Variants in FGFR2 observed in about 807,000 individuals in gnomAD.
The protein encoded by FGFR2 is fibroblast growth factor receptor 2.
In FGFR2, 19 loss-of-function variants were observed where a neutral mutation model predicts 95.9. The observed-to-expected ratio is 0.20, with a 90% confidence interval of 0.14 to 0.29. The LOEUF is 0.29. FGFR2 is among the 10% of genes least tolerant of loss of function. The pLI is 1.00. For missense variants in FGFR2, 707 were observed against 1,056.9 expected (o/e 0.67, Z 4.59); for synonymous variants, 392 against 393.3 (o/e 1.00, Z 0.04).
chr10:121,590,768 G>A (rs1862515096), intron 2 of FGFR2, among the ~76,000 whole-genome samples: 1 of 152,144 alleles, frequency 6.6e-6, no homozygotes, highest in Non-Finnish European at 1.5e-5. Flanking sequence ...TAGGGCCCAG[G>A]CTTCTTCCTG....
At chr10:121,504,850 G>C (rs1848073725) in intron 9 of FGFR2, among the ~76,000 whole-genome samples, 1 of 151,840 alleles carries the variant, frequency 6.6e-6, no homozygotes, top group South Asian at 2.1e-4. Context: ...GACTCACACA[G>C]AGCACACTGG....
chr10:121,573,097 A>G (rs775599209), intron 2 of FGFR2, among the ~76,000 whole-genome samples: 16 of 152,226 alleles, frequency 1.1e-4, no homozygotes, highest in African/African-American at 3.9e-4. Context: ...TTACGTTGCC[A>G]AACCAGCGAT....
intron 11 of FGFR2, 43 bp from the exon 12 acceptor site, chr10:121,498,648 A>C (rs200102695): frequency 6.6e-7 from 1 of 1,518,878 alleles, no homozygotes; most frequent in African/African-American, 1.4e-5. Context: ...CATTTCCTCT[A>C]ACTCATGGGC....
At chr10:121,566,079 GTT>G (rs1447738775) in intron 2 of FGFR2, among the ~76,000 whole-genome samples, 10 of 152,214 alleles carry the variant, frequency 6.6e-5, no homozygotes, top group Non-Finnish European at 1.0e-4. Context: ...AGAATGCCGA[GTT>G]TTACACATTT....
chr10:121,528,344 CAT>C (rs1851657052), intron 6 of FGFR2, among the ~76,000 whole-genome samples: 1 of 152,136 alleles, frequency 6.6e-6, no homozygotes, highest in African/African-American at 2.4e-5. Context: ...GCACAACAAT[CAT>C]ATTGTTTAAT....
chr10:121,496,435 GC>G, intron 13 of FGFR2, 96 bp downstream of exon 13: 2 of 1,147,830 alleles, frequency 1.7e-6, no homozygotes. Flanking sequence ...ACATGCGAGG[GC>G]TTGATCTAGC....
intron 2 of FGFR2, among the ~76,000 whole-genome samples, chr10:121,570,721 A>G (rs929814946): frequency 6.6e-6 from 1 of 152,216 alleles, no homozygotes; most frequent in Non-Finnish European, 1.5e-5. Context: ...ATATGTTTCC[A>G]TGTATTTTTC....
chr10:121,484,727 C>A (rs1193544404), intron 16 of FGFR2, among the ~76,000 whole-genome samples: 1 of 152,152 alleles, frequency 6.6e-6, no homozygotes, highest in Non-Finnish European at 1.5e-5. Flanking sequence ...GCAGGTTTTG[C>A]TACAAACCAG....
At chr10:121,592,256 C>A (rs962268629) in intron 2 of FGFR2, among the ~76,000 whole-genome samples, 1 of 152,130 alleles carries the variant, frequency 6.6e-6, no homozygotes, top group Non-Finnish European at 1.5e-5. Context: ...AAACCAGGAA[C>A]TTTTTCCCTC....
chr10:121,480,214 G>T, intron 17 of FGFR2, 193 bp from the exon 18 acceptor site: 1 of 732,968 alleles, frequency 1.4e-6, no homozygotes, highest in Non-Finnish European at 2.4e-6. Context: ...GGTGAACAGA[G>T]ACCCAGCCCA....
At chr10:121,579,714 T>A (rs1461813953) in intron 2 of FGFR2, among the ~76,000 whole-genome samples, 2 of 152,136 alleles carry the variant, frequency 1.3e-5, no homozygotes, top group Non-Finnish European at 2.9e-5. Flanking sequence ...AGGAGCCGGA[T>A]AACTTACCCT....
chr10:121,512,415 C>A (rs1849171117), intron 9 of FGFR2, among the ~76,000 whole-genome samples: 1 of 152,196 alleles, frequency 6.6e-6, no homozygotes, highest in Admixed American at 6.5e-5. Flanking sequence ...ACATTCCCCC[C>A]AAATAAATTA....
chr10:121,544,478 C>T (rs1167203358), intron 5 of FGFR2, among the ~76,000 whole-genome samples: 1 of 146,712 alleles, frequency 6.8e-6, no homozygotes, highest in Non-Finnish European at 1.5e-5. Context: ...TATATCCATA[C>T]AATGGAATAT....
At chr10:121,592,085 T>G (rs551891776) in intron 2 of FGFR2, among the ~76,000 whole-genome samples, 1 of 152,280 alleles carries the variant, frequency 6.6e-6, no homozygotes, top group East Asian at 1.9e-4. Flanking sequence ...AAATGACAGT[T>G]TTTCCCTAAC....
chr10:121,557,520 C>T (rs1310286124), intron 4 of FGFR2, among the ~76,000 whole-genome samples: 2 of 152,084 alleles, frequency 1.3e-5, no homozygotes, highest in Admixed American at 1.3e-4. Flanking sequence ...GCTCCCGAGG[C>T]TAGTCTCAAA....
At position 121,593,986 on chromosome 10, in the gene FGFR2, C is replaced by T. The variant is rs752050585; in HGVS notation, c.-150-19G>A. 2.5e-4 allele frequency: 175 copies of T among 706,602 alleles called. No homozygotes were observed. The highest frequency in any genetic ancestry group is 3.4e-4 in the Non-Finnish European group (134 of 390,550). The allele number at this position is 706,602 out of a possible 1,614,324, so 43.8% of individuals were successfully genotyped here. A position where few individuals can be genotyped will look rare whatever the true frequency, so the allele number is the denominator to read the frequency against. ...GCAGTCACTAAAGGAAAGAGATTGG[C>T]GAGTCAGGGAATCTTCCCCAATGCC... is the stretch of plus-strand genomic sequence containing the variant. On this transcript the variant is annotated intron_variant, in intron 1 of 17. Transcript: ENST00000358487.
chr10:121,553,904 C>G (rs918965791), intron 4 of FGFR2, among the ~76,000 whole-genome samples: 4 of 152,194 alleles, frequency 2.6e-5, no homozygotes, highest in African/African-American at 9.7e-5. Flanking sequence ...AGCCCAGGGA[C>G]CGGCCCAGAC....
intron 2 of FGFR2, among the ~76,000 whole-genome samples, chr10:121,580,928 C>T (rs1860754251): frequency 6.6e-6 from 1 of 152,268 alleles, no homozygotes; most frequent in African/African-American, 2.4e-5. Context: ...CCGGCTCCCA[C>T]GAATGTAGGC....
chr10:121,589,349 T>C (rs935294098), intron 2 of FGFR2, among the ~76,000 whole-genome samples: 1 of 152,210 alleles, frequency 6.6e-6, no homozygotes, highest in African/African-American at 2.4e-5. Flanking sequence ...AACAAAACAC[T>C]TCCAGTTTAA....
Sources: allele counts gnomAD v4.1 joint callset (sites outside exome capture counted in the v4.1 genomes callset), GRCh38; gene constraint gnomAD v4.1.1; transcripts MANE v1.5; gene names NCBI Gene and HGNC (gene_info 2026-07-23, HGNC 2026-07-21).